The following DOHH variants were observed in gnomAD, a reference collection of about 807,000 sequenced individuals.
The protein encoded by DOHH is deoxyhypusine hydroxylase.
Under a neutral mutation model 19.9 loss-of-function variants are expected in DOHH, and 16 were observed. The observed-to-expected ratio is 0.80, with a 90% CI of 0.54 to 1.22. The LOEUF is 1.22. DOHH is among the 50% of genes most tolerant of loss of function. The probability of loss-of-function intolerance (pLI) is 0.00; values close to 1 mark genes in which losing one functional copy is unlikely to be tolerated. For missense variants in DOHH, 460 were observed against 460.6 expected (o/e 1.00, Z 0.01); for synonymous variants, 233 against 217.0 (o/e 1.07, Z -0.65).
chr19:3,492,644 G>T, intron 3 of DOHH, 145 bp from the exon 4 acceptor site: 1 of 664,724 alleles, frequency 1.5e-6, no homozygotes, highest in South Asian at 2.8e-5. Flanking sequence ...TAAGCCAGCA[G>T]GGGTGGCTGA....
chr19:3,498,471 T>C (rs755252963), intron 1 of DOHH, among the ~76,000 whole-genome samples: 1 of 152,092 alleles, frequency 6.6e-6, no homozygotes, highest in Admixed American at 6.5e-5. Flanking sequence ...AGTGGCATTA[T>C]CTCGGCTCAC....
intron 4 of DOHH, 22 bp downstream of exon 4, chr19:3,492,240 C>T (rs1193646395): frequency 1.1e-5 from 16 of 1,448,112 alleles, no homozygotes; most frequent in African/African-American, 1.5e-5. Flanking sequence ...CCCAGGACCC[C>T]ACCCCAGAAG....
Position 3,496,825 on chromosome 19 carries a change from A to G in DOHH, c.-11T>C, listed in dbSNP as rs753073269. The stretch of plus-strand genomic sequence containing the variant: ...CTGCTCCGTCACCATCGTGCTGTCA[A>G]TGGGTCCCGGCCTTCCACAACCCTG... On this transcript the variant is annotated 5_prime_UTR_variant, in exon 2 of 5. Coordinates refer to ENST00000427575, the MANE Select transcript of DOHH (RefSeq NM_001145165.2). This position sits in a 1 kb window ranked among gnomAD's most constrained non-coding sequence, Gnocchi z 4.8. 14 of 1,571,772 alleles carry G rather than the reference A, an allele frequency of 8.9e-6. No individual in the cohort carries two copies. In the East Asian group the frequency reaches 9.0e-5, roughly 10 times the overall value.
chr19:3,491,816 A>G lies in DOHH; in HGVS notation c.590-5T>C. On this transcript the variant is annotated splice_region_variant and splice_polypyrimidine_tract_variant and intron_variant, in intron 4 of 4. Transcript: ENST00000427575. This position sits in a 1 kb window ranked among gnomAD's most constrained non-coding sequence, Gnocchi z 5.6. ...GGGCGCTCCCACAGTGCAGACCTGC[A>G]GGGGAGAGGGACACTCGCTGGGGCC... 2 of 1,458,132 alleles carry G rather than the reference A, an allele frequency of 1.4e-6. No homozygotes were observed. Among genetic ancestry groups the G allele is most frequent in the Admixed American group, 2.9e-5 (1 of 34,210 alleles). 90.3% of individuals were successfully genotyped at this position (1,458,132 alleles called of 1,614,324 possible). A position where few individuals can be genotyped will look rare whatever the true frequency, so the allele number is the denominator to read the frequency against.
At chr19:3,493,995 G>A in intron 3 of DOHH, 33 bp downstream of exon 3, 1 of 1,601,818 alleles carries the variant, frequency 6.2e-7, no homozygotes, top group Non-Finnish European at 8.5e-7. Flanking sequence ...AGGGACCCGA[G>A]ACTGGCAGGG....
intron 2 of DOHH, among the ~76,000 whole-genome samples, chr19:3,495,616 T>G (rs572865881): frequency 2.8e-4 from 42 of 152,270 alleles, no homozygotes; most frequent in East Asian, 3.9e-4. Context: ...TAAAACACTT[T>G]TAAGGGTTTA....
intron 3 of DOHH, among the ~76,000 whole-genome samples, chr19:3,493,039 T>A (rs1243028455): frequency 6.6e-6 from 1 of 152,138 alleles, no homozygotes; most frequent in Non-Finnish European, 1.5e-5. Flanking sequence ...GAAAGGAACA[T>A]GCATGTCCGT....
At position 3,496,954 on chromosome 19, in the gene DOHH, C is replaced by A; in HGVS notation, c.-72-68G>T. ...CCAGTGCGTTGTCTGTTCCTAGGAC[C>A]TGGGTGGGGCAAATTCCTACCCACT... is the stretch of plus-strand genomic sequence containing the variant. On this transcript the variant is annotated intron_variant, in intron 1 of 4. Transcript: ENST00000427575. The surrounding 1 kb of genome is among the most constrained non-coding windows in gnomAD (Gnocchi z 4.8). 8.6e-7 allele frequency: 1 copy of A among 1,169,238 alleles called. No homozygotes were observed. The highest frequency in any genetic ancestry group is 1.1e-6 in the Non-Finnish European group (1 of 909,634). The allele number at this position is 1,169,238 out of a possible 1,614,324, so 72.4% of individuals were successfully genotyped here.
chr19:3,491,530 C>T lies in DOHH; in HGVS notation c.871G>A (p.Ala291Thr), dbSNP rs1414439735. 1.3e-6 allele frequency: 2 copies of T among 1,535,558 alleles called. No individual in the cohort carries two copies. Among genetic ancestry groups the T allele is most frequent in the South Asian group, 2.4e-5 (2 of 84,038 alleles). ...CCGCGCAGCTGCTCCAGGCCGTCCG[C>T]GTACTGGAAGGCCCGCCCGGTCTCG... ...EHETGRAFQY[A>T]DGLEQLRGAP... is the part of the protein sequence containing the mutation. Residue 291 changes from alanine (A) to threonine (T), a missense_variant, in exon 5 of 5, where the codon GCG becomes ACG. By Grantham distance (58) the Ala-to-Thr change is moderately conservative. Coordinates refer to ENST00000427575, the MANE Select transcript of DOHH (RefSeq NM_001145165.2). This position sits in a 1 kb window ranked among gnomAD's most constrained non-coding sequence, Gnocchi z 5.6.
chr19:3,498,085 C>T (rs147790297), intron 1 of DOHH, among the ~76,000 whole-genome samples: 1 of 152,324 alleles, frequency 6.6e-6, no homozygotes, highest in East Asian at 1.9e-4. Context: ...CATCTCCCAT[C>T]ACCTCTTCCC....
At position 3,491,047 on chromosome 19, in the gene DOHH, CT is replaced by C; in HGVS notation, c.*444del. ...CCCAGAGCCCCAGCTCTGCCCCTGG[CT>C]TCCCTCGCGATCCTCCCCTGGCTCC... is the stretch of plus-strand genomic sequence containing the variant. On this transcript the variant is annotated 3_prime_UTR_variant, in exon 5 of 5. Coordinates refer to ENST00000427575, the MANE Select transcript of DOHH (RefSeq NM_001145165.2). This position sits in a 1 kb window ranked among gnomAD's most constrained non-coding sequence, Gnocchi z 5.6. The C allele has an allele frequency of 2.3e-5, 5 of 216,160 alleles. No homozygotes were observed. Among genetic ancestry groups the C allele is most frequent in the African/African-American group, 1.2e-4 (5 of 41,874 alleles). 13.4% of individuals were successfully genotyped at this position (216,160 alleles called of 1,614,324 possible).
chr19:3,498,538 T>TC (rs2082926531), intron 1 of DOHH, among the ~76,000 whole-genome samples: 1 of 152,120 alleles, frequency 6.6e-6, no homozygotes. Flanking sequence ...CCCGAGTATC[T>TC]GGGATTATAG....
intron 1 of DOHH, among the ~76,000 whole-genome samples, chr19:3,499,312 C>T (rs111373253): frequency 4.1e-4 from 63 of 152,238 alleles, no homozygotes; most frequent in South Asian, 1.0e-3. Context: ...TTCTCCACGG[C>T]GCCTAAGACT....
intron 4 of DOHH, among the ~76,000 whole-genome samples, chr19:3,492,043 G>A (rs541855142): frequency 4.6e-5 from 7 of 152,288 alleles, no homozygotes; most frequent in Non-Finnish European, 7.4e-5. Flanking sequence ...AGGGATGCCC[G>A]GGGGAACTGA....
intron 4 of DOHH, 25 bp downstream of exon 4, chr19:3,492,236 AC>A: frequency 6.9e-7 from 1 of 1,443,204 alleles, no homozygotes; most frequent in Non-Finnish European, 9.0e-7. Flanking sequence ...ACTGCCCAGG[AC>A]CCCACCCCAG....
rs980911395 is a variant in DOHH, at chr19:3,491,785, G to A, written c.616C>T (p.Arg206Cys). ...CCCAGGACGTAGCCGACCTCGTGGC[G>A]GAAGAGGGCGCTCCCACAGTGCAGA... Reference protein sequence around the residue: ...EGLHCGSALFRHEVGYVLGQL... With the variant: ...EGLHCGSALFCHEVGYVLGQL... The change falls in exon 5 of 5, where the codon CGC becomes TGC. Residue 206 changes from arginine to cysteine, a missense_variant. By Grantham distance (180) the Arg-to-Cys change is radical. Transcript: ENST00000427575. This position sits in a 1 kb window ranked among gnomAD's most constrained non-coding sequence, Gnocchi z 5.6. 5 of 1,503,186 alleles carry A rather than the reference G, an allele frequency of 3.3e-6. No individual in the cohort carries two copies. Among genetic ancestry groups the A allele is most frequent in the Non-Finnish European group, 2.7e-6 (3 of 1,129,236 alleles). The allele number at this position is 1,503,186 out of a possible 1,614,324, so 93.1% of individuals were successfully genotyped here.
rs1568219904 is a variant in DOHH at position 3,491,492 on chromosome 19, CT to C, written c.908del (p.Ter303TrpfsTer25). 2 of 1,533,068 alleles carry C rather than the reference CT, an allele frequency of 1.3e-6. No individual in the cohort carries two copies. Among genetic ancestry groups the C allele is most frequent in the East Asian group, 4.9e-5 (2 of 40,832 alleles). The allele number at this position is 1,533,068 out of a possible 1,614,324, so 95.0% of individuals were successfully genotyped here. A position where few individuals can be genotyped will look rare whatever the true frequency, so the allele number is the denominator to read the frequency against. On this transcript the variant is annotated frameshift_variant and stop_lost, in exon 5 of 5. Coordinates refer to ENST00000427575, the MANE Select transcript of DOHH (RefSeq NM_001145165.2). LOFTEE classifies it high-confidence loss of function. This position sits in a 1 kb window ranked among gnomAD's most constrained non-coding sequence, Gnocchi z 5.6. ...GGGAGCTCCGGGTGAGGGTGGGGCC[CT>C]AGGAGGGGGCCCCGCGCAGCTGCTC... ...GLEQLRGAPS[*>X] is the part of the protein sequence containing the mutation.
In DOHH at chr19:3,492,253, C is replaced by T. The variant is rs1197875106; in HGVS notation, c.589+9G>A. ...TGCCCAGGACCCCACCCCAGAAGCC[C>T]CTCCTCACCCTCGGCCAGCGCCAGG... On this transcript the variant is annotated intron_variant, in intron 4 of 4. Coordinates refer to ENST00000427575, the MANE Select transcript of DOHH (RefSeq NM_001145165.2). 2.1e-6 allele frequency: 3 copies of T among 1,454,778 alleles called. No individual in the cohort carries two copies. Among genetic ancestry groups the T allele is most frequent in the Admixed American group, 2.6e-5 (1 of 38,336 alleles). The allele number at this position is 1,454,778 out of a possible 1,614,324, so 90.1% of individuals were successfully genotyped here.
At chr19:3,494,359 C>G (rs189192607) in intron 2 of DOHH, among the ~76,000 whole-genome samples, 17 of 152,272 alleles carry the variant, frequency 1.1e-4, no homozygotes, top group African/African-American at 3.9e-4. Context: ...CATCCCGGCC[C>G]GTACCATGAG....
Sources: allele counts gnomAD v4.1 joint callset (sites outside exome capture counted in the v4.1 genomes callset), GRCh38; gene constraint gnomAD v4.1.1; non-coding constraint Gnocchi (gnomAD v3.1); transcripts MANE v1.5; gene names NCBI Gene and HGNC (gene_info 2026-07-23, HGNC 2026-07-21).